Variants in ACSM2A observed in about 807,000 individuals in gnomAD.
The protein encoded by ACSM2A is acyl-CoA synthetase medium chain family member 2A, also known as acyl-coenzyme A synthetase ACSM2A, mitochondrial.
Under a neutral mutation model 76.6 loss-of-function variants are expected in ACSM2A, and 72 were observed. The ratio of observed to expected loss-of-function variants is 0.94; its 90% confidence interval spans 0.78 to 1.14. The LOEUF is 1.14. ACSM2A is among the 50% of genes most tolerant of loss of function. The pLI, the probability that ACSM2A is intolerant of heterozygous loss-of-function variation, is 0.00. For missense variants in ACSM2A, 684 were observed against 708.5 expected (o/e 0.97, Z 0.39); for synonymous variants, 249 against 255.9 (o/e 0.97, Z 0.26).
intron 12 of ACSM2A, chr16:20,481,181 C>G (rs536765131): frequency 8.2e-6 from 4 of 490,370 alleles, no homozygotes; most frequent in East Asian, 3.5e-5. Flanking sequence ...TCTAAAAAAA[C>G]TAAACAGAAC....
At chr16:20,472,828 T>G (rs370432787) in intron 6 of ACSM2A, among the ~76,000 whole-genome samples, 1 of 152,244 alleles carries the variant, frequency 6.6e-6, no homozygotes, top group Non-Finnish European at 1.5e-5. Context: ...TTGTTTTAGC[T>G]GGCTGCAAAG....
chr16:20,477,904 T>C, intron 9 of ACSM2A, among the ~76,000 whole-genome samples: 1 of 152,212 alleles, frequency 6.6e-6, no homozygotes, highest in Non-Finnish European at 1.5e-5. Context: ...ATGTCCCAGT[T>C]TTCACTAGTA....
At chr16:20,474,097 C>A in intron 6 of ACSM2A, 7 of 445,854 alleles carry the variant, frequency 1.6e-5, no homozygotes, top group South Asian at 1.1e-4. Context: ...TGTCTTATGT[C>A]TCCCTAAAAT....
chr16:20,476,229 C>T (rs2013732292), intron 8 of ACSM2A: 1 of 999,014 alleles, frequency 1.0e-6, no homozygotes, highest in Non-Finnish European at 1.2e-6. Flanking sequence ...CATGACTTTA[C>T]TGCACCTCCT....
chr16:20,471,754 A>T lies in ACSM2A; in HGVS notation c.894+65A>T, dbSNP rs113179787. ...GCCCGAGGTTTGCACACTTCAATTTATTGTAGTTTGTTTCAATTCATCTAA... is the reference window on the plus strand; with the variant it reads ...GCCCGAGGTTTGCACACTTCAATTTTTTGTAGTTTGTTTCAATTCATCTAA... On this transcript the variant is annotated intron_variant, in intron 6 of 13. Transcript: ENST00000573854. 4.9e-4 allele frequency: 760 copies of T among 1,556,546 alleles called. 3 individuals carry two copies. In the African/African-American group the frequency reaches 7.3e-3, roughly 15 times the overall value.
intron 2 of ACSM2A, 108 bp downstream of exon 2, chr16:20,460,399 G>GT (rs2012544932): frequency 6.7e-7 from 1 of 1,487,302 alleles, no homozygotes; most frequent in South Asian, 1.4e-5. Context: ...GTAAGGCACT[G>GT]TAATAAGCTA....
intron 2 of ACSM2A, 69 bp from the exon 3 acceptor site, chr16:20,465,448 A>G (rs892735734): frequency 3.2e-6 from 5 of 1,569,496 alleles, no homozygotes; most frequent in Non-Finnish European, 4.3e-6. Context: ...GGCAATCCCA[A>G]GACTTGGAAT....
chr16:20,482,837 A>G (rs1302936640), intron 12 of ACSM2A: 4 of 528,234 alleles, frequency 7.6e-6, no homozygotes, highest in East Asian at 3.6e-5. Flanking sequence ...AGGTGAGCCT[A>G]GTCTCAATCT....
chr16:20,479,482 T>A (rs1321234463), intron 10 of ACSM2A, among the ~76,000 whole-genome samples: 4 of 152,304 alleles, frequency 2.6e-5, no homozygotes, highest in South Asian at 2.1e-4. Flanking sequence ...TACTATGTAT[T>A]GCATGATCTT....
At chr16:20,452,188 G>T (rs996118030) in intron 1 of ACSM2A, 2 of 151,932 alleles carry the variant, frequency 1.3e-5, no homozygotes, top group African/African-American at 4.8e-5. Flanking sequence ...GTCTGTGAGG[G>T]TGTTGTCAAA....
chr16:20,472,794 C>T lies in ACSM2A; in HGVS notation c.894+1105C>T, dbSNP rs576559638. On this transcript the variant is annotated intron_variant, in intron 6 of 13. Transcript: ENST00000573854. ...AAATATTCTCTGTGAGATTAGTCCACGTGTTGCATGTATCAGATGTTTGTT... is the reference window on the plus strand; with the variant it reads ...AAATATTCTCTGTGAGATTAGTCCATGTGTTGCATGTATCAGATGTTTGTT... Among the ~76,000 whole-genome samples, 100 of 152,248 alleles carry T rather than the reference C, an allele frequency of 6.6e-4. No individual in the cohort carries two copies. The East Asian group carries it at 6.9e-3, about 11-fold the overall frequency.
chr16:20,461,366 A>T (rs575599612), intron 2 of ACSM2A, among the ~76,000 whole-genome samples: 1 of 152,184 alleles, frequency 6.6e-6, no homozygotes, highest in South Asian at 2.1e-4. Flanking sequence ...TGGATTTTTT[A>T]AAGTTATACT....
At chr16:20,459,550 A>C (rs536436072) in intron 1 of ACSM2A, among the ~76,000 whole-genome samples, 1 of 152,302 alleles carries the variant, frequency 6.6e-6, no homozygotes, top group African/African-American at 2.4e-5. Flanking sequence ...TCTGGGTCCC[A>C]GTCTGAAGGT....
chr16:20,470,988 C>G, intron 4 of ACSM2A, 85 bp from the exon 5 acceptor site: 4 of 1,575,722 alleles, frequency 2.5e-6, no homozygotes, highest in Non-Finnish European at 3.5e-6. Context: ...CTTTTCAGCA[C>G]AGTGGGTGGT....
chr16:20,455,290 C>G (rs1189629044), intron 1 of ACSM2A, among the ~76,000 whole-genome samples: 8 of 150,782 alleles, frequency 5.3e-5, no homozygotes, highest in Non-Finnish European at 8.9e-5. Flanking sequence ...ATAAGAAGCT[C>G]AAAGAACACC....
At chr16:20,460,609 G>A (rs542268695) in intron 2 of ACSM2A, among the ~76,000 whole-genome samples, 376 of 151,116 alleles carry the variant, frequency 2.5e-3, no homozygotes, top group African/African-American at 7.9e-3. Context: ...GTCTGGGGTC[G>A]TAGAAGAGGC....
chr16:20,471,616 T>C lies in ACSM2A; in HGVS notation c.821T>C (p.Met274Thr), dbSNP rs750688584. ...GWILNILCSL[M>T]EPWALGACTF... is the part of the protein sequence containing the mutation. ...ATACTGAACATCTTGTGCTCACTTATGGAACCTTGGGCATTAGGAGCATGC... is the reference window on the plus strand; with the variant it reads ...ATACTGAACATCTTGTGCTCACTTACGGAACCTTGGGCATTAGGAGCATGC... The change falls in exon 6 of 14, where the codon ATG (methionine) becomes ACG (threonine). Residue 274 changes from methionine to threonine, a missense_variant. Met to Thr is a moderately conservative substitution (Grantham distance 81). Around this residue, in one of 3 missense-constraint regions of ACSM2A, gnomAD observed 519 missense variants for 549.5 expected, o/e 0.94. Transcript: ENST00000573854. 5 of 1,613,992 alleles carry C rather than the reference T, an allele frequency of 3.1e-6. No homozygotes were observed. The East Asian group carries it at 6.7e-5, about 22-fold the overall frequency.
At chr16:20,485,473 C>T (rs2014332897) in intron 13 of ACSM2A, among the ~76,000 whole-genome samples, 1 of 152,226 alleles carries the variant, frequency 6.6e-6, no homozygotes, top group Non-Finnish European at 1.5e-5. Context: ...CATCCACTCT[C>T]TATCTACCCT....
Position 20,486,861 on chromosome 16 carries a change from A to G in ACSM2A, c.*183A>G, listed in dbSNP as rs542130720. On this transcript the variant is annotated 3_prime_UTR_variant, in exon 14 of 14. Transcript: ENST00000573854. Reference sequence around the variant, plus strand: ...GATGTTGAAAGAAGAAAGGGAAGGAATGAGAGAGAGTGAAAAGGAGAGGGT... The same window carrying G: ...GATGTTGAAAGAAGAAAGGGAAGGAGTGAGAGAGAGTGAAAAGGAGAGGGT... The G allele has an allele frequency of 2.9e-6, 2 of 692,614 alleles. No individual in the cohort carries two copies. The highest frequency in any genetic ancestry group is 3.0e-5 in the Admixed American group (1 of 32,834). 42.9% of individuals were successfully genotyped at this position (692,614 alleles called of 1,614,324 possible).
Sources: allele counts gnomAD v4.1 joint callset (sites outside exome capture counted in the v4.1 genomes callset), GRCh38; gene constraint gnomAD v4.1.1; regional missense constraint gnomAD v4.1.1; transcripts MANE v1.5; gene names NCBI Gene and HGNC (gene_info 2026-07-23, HGNC 2026-07-21).